Variants in EZR observed in about 807,000 individuals in gnomAD.
EZR encodes cytovillin 2.
In EZR, 40 loss-of-function variants were observed where a neutral mutation model predicts 74.8. The observed-to-expected ratio is 0.53, with a 90% confidence interval of 0.42 to 0.70. The LOEUF is 0.70. Among genes scored for constraint, EZR ranks in the 30% least tolerant of loss-of-function variants. The pLI, the probability that EZR is intolerant of heterozygous loss-of-function variation, is 0.00. For synonymous variants in EZR, 341 were observed against 283.3 expected (o/e 1.20, Z -2.05); for missense variants, 678 against 755.8 (o/e 0.90, Z 1.21).
chr6:158,772,353 A>G (rs1256133290), intron 8 of EZR, among the ~76,000 whole-genome samples: 1 of 152,242 alleles, frequency 6.6e-6, no homozygotes, highest in African/African-American at 2.4e-5. Flanking sequence ...AGTGCCTTCA[A>G]CCATAAGGCA....
At position 158,785,422 on chromosome 6, in the gene EZR, G is replaced by T. The variant is rs942501175; in HGVS notation, c.354C>A (p.Pro118=). 1 of 1,614,182 alleles carries T rather than the reference G, an allele frequency of 6.2e-7. No individual in the cohort carries two copies. Among genetic ancestry groups the T allele is most frequent in the South Asian group, 1.1e-5 (1 of 91,080 alleles). ...ACCCCAAGAGCACGGCAGTCTCAGG[G>T]GGGCAGTAGATCTCATCGCTAAGGA... ...EGILSDEIYC[P]PETAVLLGSY... Residue 118 remains proline (P), a synonymous_variant, in exon 5 of 14, where the codon CCC becomes CCA. Transcript: ENST00000367075.
At chr6:158,786,538 C>T (rs1228396531) in intron 4 of EZR, among the ~76,000 whole-genome samples, 1 of 152,156 alleles carries the variant, frequency 6.6e-6, no homozygotes, top group Non-Finnish European at 1.5e-5. Context: ...GGGCCACATG[C>T]CAATCGGGCC....
chr6:158,782,781 A>T (rs3123110), intron 7 of EZR, among the ~76,000 whole-genome samples: 17,222 of 152,236 alleles, frequency 0.11, 1,006 homozygotes, highest in Middle Eastern at 0.15. Context: ...TGCCTCTTAA[A>T]TTCAGGTAGC....
chr6:158,816,818 G>C (rs887497176), intron 2 of EZR, among the ~76,000 whole-genome samples: 1 of 152,156 alleles, frequency 6.6e-6, no homozygotes, highest in African/African-American at 2.4e-5. Context: ...GGGTGTGGTG[G>C]CTCACGCCTG....
Position 158,767,344 on chromosome 6 carries a change from T to C in EZR, c.1513A>G (p.Ser505Gly). The C allele has an allele frequency of 6.2e-7, 1 of 1,613,968 alleles. No homozygotes were observed. The change falls in exon 13 of 14, where the codon AGT (serine) becomes GGT (glycine). Residue 505 changes from serine (S) to glycine (G), a missense_variant. This residue lies in a region of EZR where 342 missense variants were observed against 341.2 expected (regional missense o/e 1.00). Coordinates refer to ENST00000367075, the MANE Select transcript of EZR (RefSeq NM_001111077.2). ...EPTGYSAELS[S>G]EGIRDDRNEE... ...TTGCGGTCATCCCGGATGCCCTCAC[T>C]AGACAGCTCCGCGCTGTAGCCCGTG... is the stretch of plus-strand genomic sequence containing the variant.
chr6:158,772,695 A>G (rs771910280), intron 8 of EZR, among the ~76,000 whole-genome samples: 4 of 152,246 alleles, frequency 2.6e-5, no homozygotes, highest in Non-Finnish European at 5.9e-5. Context: ...AGAAACTCCC[A>G]TGAAAAGTTA....
intron 2 of EZR, among the ~76,000 whole-genome samples, chr6:158,803,548 T>C (rs1198710769): frequency 8.3e-3 from 14 of 1,696 alleles, no homozygotes; most frequent in East Asian, 0.014. Context: ...TATATATGTA[T>C]ATATATATAT....
intron 2 of EZR, among the ~76,000 whole-genome samples, chr6:158,802,975 G>A (rs988428933): frequency 6.6e-6 from 1 of 151,062 alleles, no homozygotes; most frequent in African/African-American, 2.5e-5. Context: ...ATTTCCCAGA[G>A]AAGCCAGAAG....
At chr6:158,815,615 G>C (rs564247039) in intron 2 of EZR, among the ~76,000 whole-genome samples, 7 of 152,282 alleles carry the variant, frequency 4.6e-5, no homozygotes, top group African/African-American at 1.7e-4. Flanking sequence ...CAGAGCGCCA[G>C]CCACCACACC....
At chr6:158,817,891 G>T in intron 2 of EZR, 191 bp downstream of exon 2, 1 of 467,248 alleles carries the variant, frequency 2.1e-6, no homozygotes, top group Non-Finnish European at 3.8e-6. Context: ...CATCAAAATG[G>T]TGTTTTCCTA....
At chr6:158,776,579 T>C in intron 7 of EZR, 75 bp from the exon 8 acceptor site, 1 of 1,003,542 alleles carries the variant, frequency 1.0e-6, no homozygotes, top group Non-Finnish European at 1.5e-6. Context: ...GATTCGCAAA[T>C]CAATTCTTAT....
At chr6:158,789,564 C>G (rs764197936) in intron 2 of EZR, 193 bp from the exon 3 acceptor site, 2 of 735,264 alleles carry the variant, frequency 2.7e-6, no homozygotes, top group Admixed American at 3.5e-5. Context: ...GCACACAGTG[C>G]AAACCAAACG....
intron 2 of EZR, 81 bp downstream of exon 2, chr6:158,818,001 T>A (rs1389753943): frequency 7.0e-7 from 1 of 1,423,536 alleles, no homozygotes; most frequent in Middle Eastern, 1.8e-4. Context: ...CCCCAGGAAC[T>A]GCCCCAACAC....
intron 1 of EZR, 179 bp from the exon 2 acceptor site, chr6:158,818,345 G>C (rs974047542): frequency 1.8e-5 from 4 of 227,244 alleles, no homozygotes. Flanking sequence ...GGGCGGGGCC[G>C]GGCCGGGCCC....
intron 2 of EZR, among the ~76,000 whole-genome samples, chr6:158,792,949 A>G (rs1264039170): frequency 2.0e-5 from 3 of 152,076 alleles, no homozygotes; most frequent in Non-Finnish European, 2.9e-5. Flanking sequence ...TCATTCCACA[A>G]AATTTTTTAC....
intron 2 of EZR, 48 bp downstream of exon 2, chr6:158,818,034 C>G: frequency 6.3e-7 from 1 of 1,598,132 alleles, no homozygotes; most frequent in East Asian, 2.3e-5. Context: ...CCTCCCCTCT[C>G]CAATGAAGCC....
intron 2 of EZR, among the ~76,000 whole-genome samples, chr6:158,801,647 G>C (rs1167433610): frequency 2.6e-5 from 4 of 152,012 alleles, no homozygotes; most frequent in Admixed American, 1.3e-4. Flanking sequence ...GTCTTTTACT[G>C]CCTGAGTAAT....
At chr6:158,779,128 T>A (rs1191808917) in intron 7 of EZR, among the ~76,000 whole-genome samples, 2 of 152,152 alleles carry the variant, frequency 1.3e-5, no homozygotes, top group South Asian at 4.2e-4. Flanking sequence ...AGATAAGATA[T>A]ACCGACCACA....
chr6:158,783,662 T>C lies in EZR; in HGVS notation c.556A>G (p.Asn186Asp), dbSNP rs1221186843. 1.2e-6 allele frequency: 2 copies of C among 1,613,592 alleles called. No homozygotes were observed. The highest frequency in any genetic ancestry group is 8.5e-7 in the Non-Finnish European group (1 of 1,179,748). ...HAEHRGMLKD[N>D]AMLEYLKIAQ... ...ATCTTCAGGTATTCCAACATAGCAT[T>C]ATCTCTAATTGGGGAGAGTGAAACA... Residue 186 changes from asparagine (N) to aspartate (D), a missense_variant, in exon 7 of 14, where the codon AAT becomes GAT. Around this residue, in one of 3 missense-constraint regions of EZR, gnomAD observed 217 missense variants for 232.2 expected, o/e 0.93. Transcript: ENST00000367075.
Sources: gnomAD v4.1 joint callset for allele counts (sites outside exome capture counted in the v4.1 genomes callset) on GRCh38, gnomAD v4.1.1 for gene constraint, gnomAD v4.1.1 regional missense constraint, MANE v1.5 for transcripts, NCBI Gene and HGNC (gene_info 2026-07-23, HGNC 2026-07-21) for gene names.